Variants in ADH1A observed in about 807,000 individuals in gnomAD.
ADH1A encodes alcohol dehydrogenase 1A (class I), alpha polypeptide, also known as alcohol dehydrogenase 1A.
A neutral mutation model predicts 35.2 loss-of-function variants in ADH1A; 29 were observed. That is an observed-to-expected ratio of 0.82 (90% CI 0.61 to 1.12). The LOEUF is 1.12. Among genes scored for constraint, ADH1A ranks in the 50% most tolerant of loss-of-function variants. The probability of loss-of-function intolerance (pLI) is 0.00; values close to 1 mark genes in which losing one functional copy is unlikely to be tolerated. For missense variants in ADH1A, 469 were observed against 464.7 expected, an observed-to-expected ratio of 1.01 and a Z score of -0.09; for synonymous variants, 147 against 164.8, an observed-to-expected ratio of 0.89 and a Z score of 0.83.
intron 7 of ADH1A, 103 bp downstream of exon 7, chr4:99,280,041 T>A (rs2110603864): frequency 6.6e-7 from 1 of 1,509,266 alleles, no homozygotes; most frequent in Admixed American, 1.7e-5. Flanking sequence ...AAAGGAATTT[T>A]AATTTGTTTT....
intron 3 of ADH1A, 109 bp downstream of exon 3, chr4:99,286,741 C>T (rs557861768): frequency 6.5e-5 from 99 of 1,530,378 alleles, no homozygotes; most frequent in South Asian, 7.7e-5. Flanking sequence ...CCTGGCTGCG[C>T]GGTGACCTTG....
chr4:99,279,044 G>A (rs1579488270), intron 8 of ADH1A, among the ~76,000 whole-genome samples: 2 of 152,058 alleles, frequency 1.3e-5, no homozygotes. Context: ...TAAATATACA[G>A]CCACCTAATG....
intron 3 of ADH1A, among the ~76,000 whole-genome samples, chr4:99,286,076 TA>T: frequency 6.6e-6 from 1 of 152,122 alleles, no homozygotes; most frequent in Non-Finnish European, 1.5e-5. Flanking sequence ...ATTTTTATTT[TA>T]AATTACCTAT....
At position 99,284,346 on chromosome 4, in the gene ADH1A, G is replaced by C. The variant is rs893697772; in HGVS notation, c.567+53C>G. ...TTCTTGTGAGACATTCCTTCCCTTTGGGTTCCTGACAGTCTGCGTGTAACT... is the reference window on the plus strand; with the variant it reads ...TTCTTGTGAGACATTCCTTCCCTTTCGGTTCCTGACAGTCTGCGTGTAACT... On this transcript the variant is annotated intron_variant, in intron 5 of 8. Transcript: ENST00000209668. 14 of 1,562,120 alleles carry C rather than the reference G, an allele frequency of 9.0e-6. No homozygotes were observed. The African/African-American group carries it at 1.8e-4, about 20-fold the overall frequency.
intron 3 of ADH1A, among the ~76,000 whole-genome samples, chr4:99,285,274 TC>T (rs1733120638): frequency 6.6e-6 from 1 of 152,234 alleles, no homozygotes; most frequent in African/African-American, 2.4e-5. Context: ...CTAATTCTTT[TC>T]AAAGTAACTA....
At position 99,286,956 on chromosome 4, in the gene ADH1A, G is replaced by T; in HGVS notation, c.153C>A (p.Asp51Glu). 6.2e-7 allele frequency: 1 copy of T among 1,614,182 alleles called. No individual in the cohort carries two copies. Among genetic ancestry groups the T allele is most frequent in the Non-Finnish European group, 8.5e-7 (1 of 1,180,020 alleles). Residue 51 changes from aspartate to glutamate, a missense_variant, in exon 3 of 9, where the codon GAC (aspartate) becomes GAA (glutamate). Coordinates refer to ENST00000209668, the MANE Select transcript of ADH1A (RefSeq NM_000667.4). ...TCACCATGGTACCACTAACCACGTG[G>T]TCATCTGTGCCACAGATTCCTACAG... ...MVAVGICGTDDHVVSGTMVTP... is the reference protein window; with the variant it reads ...MVAVGICGTDEHVVSGTMVTP...
At chr4:99,282,180 A>G (rs1249159438) in intron 6 of ADH1A, 166 bp downstream of exon 6, 1 of 1,336,942 alleles carries the variant, frequency 7.5e-7, no homozygotes, top group East Asian at 2.4e-5. Flanking sequence ...ATAGAATAAA[A>G]GATTCCTCAT....
chr4:99,282,904 G>A (rs539398457), intron 5 of ADH1A, among the ~76,000 whole-genome samples: 3 of 152,316 alleles, frequency 2.0e-5, no homozygotes, highest in African/African-American at 7.2e-5. Context: ...CAATGGGAAG[G>A]TCAGGCTGGG....
At chr4:99,281,618 G>C (rs975477944) in intron 6 of ADH1A, among the ~76,000 whole-genome samples, 2 of 152,162 alleles carry the variant, frequency 1.3e-5, no homozygotes, top group African/African-American at 4.8e-5. Context: ...ATAAAAAGAA[G>C]ACATTTATTG....
chr4:99,276,549 T>C lies in ADH1A; in HGVS notation c.*75A>G. Reference sequence around the variant, plus strand: ...CTGTGATGAGCAGAATTAATGATATTTCCCAGCTGTTGCTCCAGATCATGT... The same window carrying C: ...CTGTGATGAGCAGAATTAATGATATCTCCCAGCTGTTGCTCCAGATCATGT... On this transcript the variant is annotated 3_prime_UTR_variant, in exon 9 of 9. Transcript: ENST00000209668. The C allele has an allele frequency of 1.5e-6, 2 of 1,293,544 alleles. No individual in the cohort carries two copies. The highest frequency in any genetic ancestry group is 2.2e-6 in the Non-Finnish European group (2 of 891,138). The allele number at this position is 1,293,544 out of a possible 1,614,324, so 80.1% of individuals were successfully genotyped here. A position where few individuals can be genotyped will look rare whatever the true frequency, so the allele number is the denominator to read the frequency against.
At chr4:99,289,976 A>G (rs1194852667) in intron 1 of ADH1A, among the ~76,000 whole-genome samples, 2 of 152,198 alleles carry the variant, frequency 1.3e-5, no homozygotes, top group Non-Finnish European at 2.9e-5. Context: ...CACAGAGTGT[A>G]TAGAGAAGCC....
intron 5 of ADH1A, 109 bp from the exon 6 acceptor site, chr4:99,282,715 C>T: frequency 6.0e-6 from 9 of 1,495,158 alleles, no homozygotes; most frequent in Non-Finnish European, 7.2e-6. Flanking sequence ...TTATCAAAAC[C>T]TCTTTTGGCT....
rs1380881083 is a variant in ADH1A, at chr4:99,281,797, C to T, written c.828+549G>A. The T allele has an allele frequency of 5.7e-5, 10 of 175,228 alleles. No homozygotes were observed. In the East Asian group the frequency reaches 1.6e-3, roughly 29 times the overall value. 10.9% of individuals were successfully genotyped at this position (175,228 alleles called of 1,614,324 possible). A position where few individuals can be genotyped will look rare whatever the true frequency, so the allele number is the denominator to read the frequency against. On this transcript the variant is annotated intron_variant, in intron 6 of 8. Transcript: ENST00000209668. ...ACTAGTATTGGGCTCTAGTTTTGTG[C>T]CAGGTACTGTCCAGTTTCTGTGATA...
chr4:99,289,873 A>T (rs1733249028), intron 1 of ADH1A, among the ~76,000 whole-genome samples: 1 of 152,164 alleles, frequency 6.6e-6, no homozygotes, highest in Non-Finnish European at 1.5e-5. Flanking sequence ...TTAATCAGTA[A>T]TGAATGAAAG....
chr4:99,276,803 G>A (rs1385192566), intron 8 of ADH1A, among the ~76,000 whole-genome samples, 155 bp from the exon 9 acceptor site: 1 of 152,094 alleles, frequency 6.6e-6, no homozygotes, highest in African/African-American at 2.4e-5. Flanking sequence ...TCAAAGGAAA[G>A]CTCATCTTTT....
intron 1 of ADH1A, among the ~76,000 whole-genome samples, chr4:99,289,017 G>T (rs1239275595): frequency 1.3e-5 from 2 of 151,990 alleles, no homozygotes; most frequent in African/African-American, 4.8e-5. Flanking sequence ...TCATTCTCAT[G>T]CCTTTGCATC....
At position 99,286,903 on chromosome 4, in the gene ADH1A, T is replaced by G; in HGVS notation, c.206A>C (p.Glu69Ala). 6.2e-7 allele frequency: 1 copy of G among 1,614,166 alleles called. No homozygotes were observed. Among genetic ancestry groups the G allele is most frequent in the Non-Finnish European group, 8.5e-7 (1 of 1,180,024 alleles). Residue 69 changes from glutamate (E) to alanine (A), a missense_variant, in exon 3 of 9, where the codon GAG becomes GCG. Transcript: ENST00000209668. The stretch of plus-strand genomic sequence containing the variant: ...AACACTCTCCACGATGCCGGCTGCC[T>G]CATGGCCTAAAATCACAGGAAGTGG... Reference protein sequence around the residue: ...VTPLPVILGHEAAGIVESVGE... With the variant: ...VTPLPVILGHAAAGIVESVGE...
intron 8 of ADH1A, among the ~76,000 whole-genome samples, chr4:99,278,821 T>C (rs1240086490): frequency 1.3e-5 from 2 of 152,158 alleles, no homozygotes; most frequent in East Asian, 3.8e-4. Context: ...GGCTTAGTTT[T>C]CTAAGCTTCA....
At chr4:99,278,729 G>A (rs1320953503) in intron 8 of ADH1A, among the ~76,000 whole-genome samples, 2 of 152,138 alleles carry the variant, frequency 1.3e-5, no homozygotes, top group Admixed American at 1.3e-4. Flanking sequence ...GTTTCCAGTT[G>A]TGCCTCATGT....
Sources: allele counts gnomAD v4.1 joint callset (sites outside exome capture counted in the v4.1 genomes callset), GRCh38; gene constraint gnomAD v4.1.1; transcripts MANE v1.5; gene names NCBI Gene and HGNC (gene_info 2026-07-23, HGNC 2026-07-21).